The following LINGO2 variants were observed in gnomAD, a reference collection of about 807,000 sequenced individuals.
The protein encoded by LINGO2 is leucine rich repeat and Ig domain containing 2.
Under a neutral mutation model 30.6 loss-of-function variants are expected in LINGO2, and 14 were observed. The ratio of observed to expected loss-of-function variants is 0.46; its 90% CI spans 0.30 to 0.72. The LOEUF is 0.72. LINGO2 is among the 30% of genes least tolerant of loss of function. The probability of loss-of-function intolerance (pLI) is 0.07; values close to 1 mark genes in which losing one functional copy is unlikely to be tolerated. For missense variants in LINGO2, 729 were observed against 751.7 expected (o/e 0.97, Z 0.35); for synonymous variants, 317 against 288.5 (o/e 1.10, Z -1.00).
At position 28,148,913 on chromosome 9, in the gene LINGO2, A is replaced by T; in HGVS notation, c.-86-136508T>A. The T allele has an allele frequency of 3.3e-6, 5 of 1,533,896 alleles. No homozygotes were observed. The highest frequency in any genetic ancestry group is 4.4e-6 in the Non-Finnish European group (5 of 1,146,616). On this transcript the variant is annotated intron_variant, in intron 4 of 5. Coordinates refer to ENST00000379992, the Ensembl canonical transcript of LINGO2. The surrounding 1 kb of genome is among the most constrained non-coding windows in gnomAD (Gnocchi z 5.1). ...CAAGGATCCTGCAGCTCTTGGGTCA[A>T]GTAGGTCTTCTCCACACAGAGCTGC...
chr9:28,039,862 C>G (rs1176773442), intron 4 of LINGO2, among the ~76,000 whole-genome samples: 1 of 152,144 alleles, frequency 6.6e-6, no homozygotes, highest in Non-Finnish European at 1.5e-5. Context: ...TGTCTTTCCT[C>G]TTTGGAGTGT....
At chr9:29,120,671 A>T in the LINGO2 span, among the ~76,000 whole-genome samples, 5 of 152,152 alleles carry the variant, frequency 3.3e-5, no homozygotes, top group Admixed American at 2.6e-4. Flanking sequence ...CTGAAAATAC[A>T]CTGTAAGGTG....
intron 4 of LINGO2, among the ~76,000 whole-genome samples, chr9:28,249,969 C>T (rs1296061796): frequency 2.0e-5 from 3 of 152,108 alleles, no homozygotes; most frequent in Non-Finnish European, 4.4e-5. Flanking sequence ...GAAGGGGCAG[C>T]GTTTGGGTAC....
At chr9:28,856,381 A>G in the LINGO2 span, among the ~76,000 whole-genome samples, 1 of 151,992 alleles carries the variant, frequency 6.6e-6, no homozygotes, top group Admixed American at 6.6e-5. Context: ...GTGTAGCAGG[A>G]GAGACTAATA....
chr9:28,215,606 A>G (rs1361733499), intron 4 of LINGO2, among the ~76,000 whole-genome samples: 1 of 151,770 alleles, frequency 6.6e-6, no homozygotes, highest in Non-Finnish European at 1.5e-5. Context: ...GGAGGCCACA[A>G]TAAATTCAGT....
the LINGO2 span, among the ~76,000 whole-genome samples, chr9:29,125,428 T>TAA: frequency 5.6e-5 from 8 of 143,316 alleles, no homozygotes; most frequent in African/African-American, 1.8e-4. Context: ...AAGTAAAATT[T>TAA]AAAAATATAT....
chr9:28,292,839 C>G (rs368109261), intron 4 of LINGO2, among the ~76,000 whole-genome samples: 1 of 151,386 alleles, frequency 6.6e-6, no homozygotes, highest in African/African-American at 2.4e-5. Flanking sequence ...GACACGATCT[C>G]GGTTCACTGC....
At chr9:28,049,711 G>A (rs1471422854) in intron 4 of LINGO2, among the ~76,000 whole-genome samples, 1 of 150,602 alleles carries the variant, frequency 6.6e-6, no homozygotes, top group Non-Finnish European at 1.5e-5. Context: ...AATGCCTGAT[G>A]CGGCAGGTCT....
At chr9:29,158,184 T>TAAAAAAAAA in the LINGO2 span, among the ~76,000 whole-genome samples, 1 of 119,696 alleles carries the variant, frequency 8.4e-6, no homozygotes, top group African/African-American at 3.2e-5. Flanking sequence ...CTACACAAAG[T>TAAAAAAAAA]AAAAAAAAAC....
chr9:29,015,747 G>A, the LINGO2 span, among the ~76,000 whole-genome samples: 1 of 152,044 alleles, frequency 6.6e-6, no homozygotes, highest in East Asian at 1.9e-4. Flanking sequence ...GGCTTCAGAA[G>A]GGAGATGTCA....
chr9:28,009,401 C>T (rs543664178), intron 5 of LINGO2, among the ~76,000 whole-genome samples: 3 of 149,980 alleles, frequency 2.0e-5, no homozygotes, highest in Admixed American at 1.3e-4. Context: ...AAAACTAGTG[C>T]TGCAAATAAT....
intron 3 of LINGO2, among the ~76,000 whole-genome samples, chr9:28,313,639 A>G (rs1260744432): frequency 6.6e-6 from 1 of 152,170 alleles, no homozygotes; most frequent in Non-Finnish European, 1.5e-5. Flanking sequence ...TCTCAGAATC[A>G]CCCTCAAACT....
intron 2 of LINGO2, among the ~76,000 whole-genome samples, chr9:28,473,065 G>A (rs1825588501): frequency 6.6e-6 from 1 of 152,040 alleles, no homozygotes; most frequent in Non-Finnish European, 1.5e-5. Flanking sequence ...AATTACTACT[G>A]ACAACGAGTT....
intron 1 of LINGO2, among the ~76,000 whole-genome samples, chr9:28,567,770 C>T (rs969590129): frequency 2.0e-5 from 3 of 151,286 alleles, no homozygotes; most frequent in African/African-American, 7.3e-5. Context: ...ATGGAACGAA[C>T]CTGCACATGT....
chr9:28,151,166 A>T (rs1827989665), intron 4 of LINGO2, among the ~76,000 whole-genome samples: 1 of 152,230 alleles, frequency 6.6e-6, no homozygotes, highest in Non-Finnish European at 1.5e-5. Flanking sequence ...AGTACATTGC[A>T]ATAATAACAT....
the LINGO2 span, among the ~76,000 whole-genome samples, chr9:28,771,791 A>G: frequency 6.6e-6 from 1 of 152,144 alleles, no homozygotes. Context: ...TATCATTACT[A>G]TTAGATTTGA....
chr9:29,071,521 A>ATATG, the LINGO2 span, among the ~76,000 whole-genome samples: 16 of 140,192 alleles, frequency 1.1e-4, no homozygotes, highest in East Asian at 3.4e-3. Context: ...ATATATATGT[A>ATATG]TATGTATATA....
At chr9:29,083,894 G>A in the LINGO2 span, among the ~76,000 whole-genome samples, 1 of 152,004 alleles carries the variant, frequency 6.6e-6, no homozygotes, top group African/African-American at 2.4e-5. Context: ...ACTCATTTTA[G>A]GAAGTCTCAT....
the LINGO2 span, among the ~76,000 whole-genome samples, chr9:28,999,036 T>C: frequency 1.3e-5 from 2 of 152,262 alleles, no homozygotes; most frequent in Admixed American, 6.5e-5. Flanking sequence ...GTGATACACA[T>C]AGACTCATAC....
Sources: allele counts gnomAD v4.1 joint callset (sites outside exome capture counted in the v4.1 genomes callset), GRCh38; gene constraint gnomAD v4.1.1; non-coding constraint Gnocchi (gnomAD v3.1); transcripts MANE v1.5; gene names NCBI Gene and HGNC (gene_info 2026-07-23, HGNC 2026-07-21).